Variants in POLRMT observed in about 807,000 individuals in gnomAD.
POLRMT encodes the protein DNA-directed RNA polymerase, mitochondrial.
Under a neutral mutation model 132.2 loss-of-function variants are expected in POLRMT, and 114 were observed. The ratio of observed to expected loss-of-function variants is 0.86; its 90% confidence interval spans 0.74 to 1.01. POLRMT has a LOEUF of 1.01. Among genes scored for constraint, POLRMT ranks in the 50% least tolerant of loss-of-function variants. POLRMT has a pLI of 0.00. For missense variants in POLRMT, 2,003 were observed against 1,729.1 expected (o/e 1.16, Z -2.81); for synonymous variants, 1,020 against 773.4 (o/e 1.32, Z -5.29).
At chr19:618,413 T>C (rs1225045106) in intron 17 of POLRMT, 75 bp downstream of exon 17, 9 of 1,208,162 alleles carry the variant, frequency 7.4e-6, no homozygotes, top group Admixed American at 2.3e-5. Context: ...AGACCCAGCC[T>C]TGCCAGCTGT....
rs1173193006 is a variant in POLRMT, at chr19:622,985, G to A, written c.1291C>T (p.Arg431Trp). ...TLPSKEVKHA[R>W]KTLKTLRDQW... is the part of the protein sequence containing the mutation. Reference sequence around the variant, plus strand: ...TCCCGCAGGGTCTTCAGGGTCTTCCGCTGCGGGGGATGAACGGGCCCGGTG... The same window carrying A: ...TCCCGCAGGGTCTTCAGGGTCTTCCACTGCGGGGGATGAACGGGCCCGGTG... Residue 431 changes from arginine to tryptophan, a missense_variant and splice_region_variant, in exon 7 of 21, where the codon CGG becomes TGG. Coordinates refer to ENST00000588649, the MANE Select transcript of POLRMT (RefSeq NM_005035.4). The A allele has an allele frequency of 3.1e-6, 5 of 1,612,034 alleles. No homozygotes were observed. The highest frequency in any genetic ancestry group is 2.7e-5 in the African/African-American group (2 of 75,030).
At position 622,818 on chromosome 19, in the gene POLRMT, C is replaced by T. The variant is rs1206127276; in HGVS notation, c.1455+3G>A. Reference sequence around the variant, plus strand: ...GGACCCGGCCGCGCGGAGGAAGACGCACCTGCAGGAGCATCCGCACCACCT... The same window carrying T: ...GGACCCGGCCGCGCGGAGGAAGACGTACCTGCAGGAGCATCCGCACCACCT... On this transcript the variant is annotated splice_donor_region_variant and intron_variant, in intron 7 of 20. Transcript: ENST00000588649. 2 of 1,588,738 alleles carry T rather than the reference C, an allele frequency of 1.3e-6. No individual in the cohort carries two copies. Among genetic ancestry groups the T allele is most frequent in the Non-Finnish European group, 1.7e-6 (2 of 1,168,714 alleles).
chr19:626,112 G>A (rs891749027), intron 3 of POLRMT, among the ~76,000 whole-genome samples: 2 of 152,050 alleles, frequency 1.3e-5, no homozygotes, highest in Non-Finnish European at 2.9e-5. Flanking sequence ...TTATCTCCAA[G>A]TGTTTTCGAA....
Position 633,494 on chromosome 19 carries a change from C to G in POLRMT, c.19G>C (p.Gly7Arg). 6.7e-7 allele frequency: 1 copy of G among 1,493,812 alleles called. No individual in the cohort carries two copies. The highest frequency in any genetic ancestry group is 9.1e-7 in the Non-Finnish European group (1 of 1,102,662). 92.5% of individuals were successfully genotyped at this position (1,493,812 alleles called of 1,614,324 possible). The part of the protein sequence containing the change: MSALCW[G>R]RGAAGLKRAL... The stretch of plus-strand genomic sequence containing the variant: ...CGTTTGAGCCCCGCCGCTCCGCGGC[C>G]CCAGCAAAGTGCCGACATTACGCAC... The change falls in exon 1 of 21, where the codon GGC becomes CGC. Residue 7 changes from glycine (G) to arginine (R), a missense_variant. Transcript: ENST00000588649.
chr19:618,065 A>C (rs1984150808), intron 17 of POLRMT: 1 of 515,194 alleles, frequency 1.9e-6, no homozygotes, highest in Non-Finnish European at 3.4e-6. Flanking sequence ...TCCTCGCCCC[A>C]CCCCTGCCGC....
chr19:624,341 G>A (rs1374086387), intron 5 of POLRMT, among the ~76,000 whole-genome samples: 1 of 151,850 alleles, frequency 6.6e-6, no homozygotes, highest in South Asian at 2.1e-4. Flanking sequence ...GAACATTCTA[G>A]AATTAGACAA....
chr19:624,502 C>A (rs3815110), intron 5 of POLRMT, among the ~76,000 whole-genome samples: 4 of 152,018 alleles, frequency 2.6e-5, no homozygotes, highest in South Asian at 2.1e-4. Flanking sequence ...TCTCTGCGGC[C>A]CCCGACCACC....
chr19:623,178 C>G (rs1204117071), intron 6 of POLRMT, among the ~76,000 whole-genome samples, 193 bp from the exon 7 acceptor site: 1 of 152,236 alleles, frequency 6.6e-6, no homozygotes, highest in Non-Finnish European at 1.5e-5. Flanking sequence ...GAGCAAAAGC[C>G]CAGCTGCAGT....
At chr19:623,373 A>AC in intron 6 of POLRMT, 81 bp downstream of exon 6, 1 of 1,547,400 alleles carries the variant, frequency 6.5e-7, no homozygotes, top group South Asian at 1.2e-5. Context: ...CGGACACGGG[A>AC]CCCCGGCTCA....
In POLRMT at chr19:622,362, G is replaced by A. The variant is rs1404405755; in HGVS notation, c.1638C>T (p.Pro546=). The A allele has an allele frequency of 1.3e-6, 2 of 1,550,734 alleles. No individual in the cohort carries two copies. Among genetic ancestry groups the A allele is most frequent in the Non-Finnish European group, 8.7e-7 (1 of 1,149,420 alleles). The change falls in exon 9 of 21, where the codon CCC becomes CCT. Residue 546 remains proline, a synonymous_variant. Coordinates refer to ENST00000588649, the MANE Select transcript of POLRMT (RefSeq NM_005035.4). ...CCTCCCAGTACTGCCGCGGCAGGCA[G>A]GGCTCGGGCACCTGTAGGACAGGGC... The part of the protein sequence containing the change: ...LLASDAEVPE[P]CLPRQYWEEL...
intron 5 of POLRMT, among the ~76,000 whole-genome samples, chr19:624,082 A>G (rs1305325615): frequency 6.6e-6 from 1 of 152,250 alleles, no homozygotes; most frequent in Admixed American, 6.5e-5. Flanking sequence ...AAACAGCCCA[A>G]CGTCCCATAA....
At position 619,946 on chromosome 19, in the gene POLRMT, G is replaced by C; in HGVS notation, c.2886+12C>G. ...ACGCCGAGATGCCCCCGGGCAGCAG[G>C]GCACACCCTACCTGCGCGGCCACGC... On this transcript the variant is annotated intron_variant, in intron 12 of 20. Coordinates refer to ENST00000588649, the MANE Select transcript of POLRMT (RefSeq NM_005035.4). 1 of 1,601,886 alleles carries C rather than the reference G, an allele frequency of 6.2e-7. No homozygotes were observed. Among genetic ancestry groups the C allele is most frequent in the South Asian group, 1.1e-5 (1 of 90,596 alleles).
intron 1 of POLRMT, 22 bp downstream of exon 1, chr19:633,403 T>A (rs766934732): frequency 6.6e-7 from 1 of 1,505,462 alleles, no homozygotes; most frequent in Non-Finnish European, 8.9e-7. Flanking sequence ...CCGGGCTGCC[T>A]GGCCGTCTCC....
At position 621,312 on chromosome 19, in the gene POLRMT, G is replaced by C. The variant is rs760600753; in HGVS notation, c.2386C>G (p.Leu796Val). 5 of 1,597,994 alleles carry C rather than the reference G, an allele frequency of 3.1e-6. No homozygotes were observed. The highest frequency in any genetic ancestry group is 4.2e-6 in the Non-Finnish European group (5 of 1,176,876). Residue 796 changes from leucine to valine, a missense_variant, in exon 10 of 21, where the codon CTG becomes GTG. Physicochemically the swap from Leu to Val is conservative, Grantham distance 32. Coordinates refer to ENST00000588649, the MANE Select transcript of POLRMT (RefSeq NM_005035.4). ...AQHLRDRVFW[L>V]PHNMDFRGRT... ...CCGCGGAAGTCCATGTTGTGCGGCA[G>C]CCAGAAGACGCGGTCCCGCAGGTGC...
Position 625,059 on chromosome 19 carries a change from G to A in POLRMT, c.953+65C>T, listed in dbSNP as rs530329220. ...GTCCCCAGCCCCCAGCCCAGGCACC[G>A]TCCCAGATCTTAAAACCCTGGGAGG... On this transcript the variant is annotated intron_variant, in intron 4 of 20. Transcript: ENST00000588649. 6.2e-5 allele frequency: 96 copies of A among 1,560,316 alleles called. No individual in the cohort carries two copies. The Admixed American group carries it at 9.2e-4, about 15-fold the overall frequency.
rs375135773 is a variant in POLRMT, at chr19:619,802, C to T, written c.2887-37G>A. ...GTGGGCCGGGGGCGCGGGTCAGCCCCGCTAGCAGCCCAGGGGCCACCAAGC... is the reference window on the plus strand; with the variant it reads ...GTGGGCCGGGGGCGCGGGTCAGCCCTGCTAGCAGCCCAGGGGCCACCAAGC... On this transcript the variant is annotated intron_variant, in intron 12 of 20. Transcript: ENST00000588649. The T allele has an allele frequency of 6.2e-5, 96 of 1,550,538 alleles. 1 individual carries two copies. The highest frequency in any genetic ancestry group is 1.9e-5 in the Non-Finnish European group (22 of 1,149,134).
At position 631,966 on chromosome 19, in the gene POLRMT, T is replaced by C. The variant is rs1401791468; in HGVS notation, c.193+868A>G. ...ATTTTTGTATTTTTAGTAGAGACAG[T>C]GTTTCACCATGTTGGCCAGGCTGGT... On this transcript the variant is annotated intron_variant, in intron 2 of 20. Transcript: ENST00000588649. Among the ~76,000 whole-genome samples, 4 of 152,100 alleles carry C rather than the reference T, an allele frequency of 2.6e-5. No individual in the cohort carries two copies. The East Asian group carries it at 7.8e-4, about 29-fold the overall frequency.
At chr19:625,683 C>T (rs961429175) in intron 3 of POLRMT, among the ~76,000 whole-genome samples, 6 of 152,132 alleles carry the variant, frequency 3.9e-5, no homozygotes, top group East Asian at 3.8e-4. Flanking sequence ...TGAAAGGTGA[C>T]GTATTTGGTC....
Position 617,315 on chromosome 19 carries a change from C to T in POLRMT, c.3652G>A (p.Asp1218Asn), listed in dbSNP as rs563746524. 35 of 1,612,800 alleles carry T rather than the reference C, an allele frequency of 2.2e-5. No homozygotes were observed. The highest frequency in any genetic ancestry group is 2.9e-5 in the Non-Finnish European group (34 of 1,179,908). Residue 1218 changes from aspartate to asparagine, a missense_variant, in exon 21 of 21, where the codon GAC (aspartate) becomes AAC (asparagine). Transcript: ENST00000588649. Reference protein sequence around the residue: ...LQAVPKPGAFDLEQVKRSTYF... With the variant: ...LQAVPKPGAFNLEQVKRSTYF... ...GTGGAACGCTTCACCTGCTCCAGGT[C>T]GAAGGCCCCTGCGGAGGAAGCAGAG... is the stretch of plus-strand genomic sequence containing the variant.
Sources: gnomAD v4.1 joint callset for allele counts (sites outside exome capture counted in the v4.1 genomes callset) on GRCh38, gnomAD v4.1.1 for gene constraint, MANE v1.5 for transcripts, NCBI Gene and HGNC (gene_info 2026-07-23, HGNC 2026-07-21) for gene names.